The following HECW1 variants were observed in gnomAD, a reference collection of about 807,000 sequenced individuals.
HECW1 encodes E3 ubiquitin-protein ligase HECW1.
HECW1 carries 61 observed loss-of-function variants against 182.3 expected under a neutral mutation model. That is an observed-to-expected ratio of 0.33 (90% CI 0.27 to 0.41). The LOEUF is 0.41. HECW1 is among the 10% of genes least tolerant of loss of function. The pLI is 1.00. For synonymous variants in HECW1, 859 were observed against 832.6 expected, an observed-to-expected ratio of 1.03 and a Z score of -0.55; for missense variants, 1,739 against 2,108.9, an observed-to-expected ratio of 0.82 and a Z score of 3.44.
At chr7:43,552,087 T>G (rs2081853492) in intron 27 of HECW1, 135 bp from the exon 28 acceptor site, 1 of 639,960 alleles carries the variant, frequency 1.6e-6, no homozygotes, top group Non-Finnish European at 2.9e-6. Context: ...ATTTTCAAGT[T>G]AAAAATGATT....
Position 43,444,546 on chromosome 7 carries a change from G to C in HECW1, c.1374G>C (p.Leu458=), listed in dbSNP as rs2076983871. 2 of 1,610,988 alleles carry C rather than the reference G, an allele frequency of 1.2e-6. No homozygotes were observed. The highest frequency in any genetic ancestry group is 2.7e-5 in the African/African-American group (2 of 74,886). The change falls in exon 11 of 30, where the codon CTG becomes CTC. Residue 458 remains leucine, a synonymous_variant. Coordinates refer to ENST00000395891, the MANE Select transcript of HECW1 (RefSeq NM_015052.5). This position sits in a 1 kb window ranked among gnomAD's most constrained non-coding sequence, Gnocchi z 4.3. ...AGCCTGCCCCCAGTGCAGAAGAGCT[G>C]GCCGAGCAGCTGGACCTGGGTGAGG... ...DIQPAPSAEE[L]AEQLDLGEEA...
intron 9 of HECW1, chr7:43,439,378 C>T (rs1159812881): frequency 1.3e-5 from 2 of 152,202 alleles, no homozygotes; most frequent in Non-Finnish European, 2.9e-5. Context: ...ACCTGTGTCT[C>T]TCCAAAGTCC....
rs114149256 is a variant in HECW1 at position 43,329,727 on chromosome 7, G to C, written c.460+8985G>C. ...AGTTGCCCGGACACGGCGTGCTAAG[G>C]AGAAGAACCCGGCTTTGAAACAGAG... On this transcript the variant is annotated intron_variant, in intron 5 of 29. Coordinates refer to ENST00000395891, the MANE Select transcript of HECW1 (RefSeq NM_015052.5). 8.8e-3 allele frequency among the ~76,000 whole-genome samples: 1,338 copies of C among 152,266 alleles called. 14 individuals are homozygous for C. Among genetic ancestry groups the C allele is most frequent in the African/African-American group, 0.031 (1,273 of 41,552 alleles).
intron 2 of HECW1, among the ~76,000 whole-genome samples, chr7:43,123,168 C>T (rs1174957405): frequency 6.6e-6 from 1 of 152,200 alleles, no homozygotes; most frequent in Non-Finnish European, 1.5e-5. Context: ...AGACGCTGGG[C>T]TGGGGGCCAT....
intron 29 of HECW1, among the ~76,000 whole-genome samples, chr7:43,556,592 G>A (rs1204945699): frequency 2.0e-5 from 3 of 152,032 alleles, no homozygotes; most frequent in Non-Finnish European, 4.4e-5. Flanking sequence ...GGAAGCTGAG[G>A]CAGGAGGATG....
chr7:43,419,463 A>T (rs1456885782), intron 8 of HECW1, among the ~76,000 whole-genome samples: 1 of 152,164 alleles, frequency 6.6e-6, no homozygotes, highest in Non-Finnish European at 1.5e-5. Flanking sequence ...CCATCTCTTC[A>T]CTGTACTTTA....
At chr7:43,486,569 G>A (rs2078652482) in intron 17 of HECW1, among the ~76,000 whole-genome samples, 2 of 152,162 alleles carry the variant, frequency 1.3e-5, no homozygotes, top group South Asian at 4.1e-4. Context: ...CCAAAGTGCT[G>A]GGATTACAGG....
rs148978834 is a variant in HECW1, at chr7:43,297,669, T to C, written c.28-14094T>C. Among the ~76,000 whole-genome samples the C allele has an allele frequency of 2.0e-3, 305 of 152,338 alleles. 9 individuals carry two copies. In the South Asian group the frequency reaches 0.045, roughly 23 times the overall value. On this transcript the variant is annotated intron_variant, in intron 3 of 29. Transcript: ENST00000395891. ...ACACTCTAAGACTGAAAAATACAGC[T>C]GCATTGGGTTTGGCTCTAAGGATTC...
chr7:43,354,385 TA>T (rs1385845137), intron 5 of HECW1, among the ~76,000 whole-genome samples: 6 of 152,286 alleles, frequency 3.9e-5, no homozygotes, highest in African/African-American at 9.6e-5. Flanking sequence ...ATAGCAGTTT[TA>T]AACAAACTCA....
intron 4 of HECW1, among the ~76,000 whole-genome samples, chr7:43,313,509 G>A (rs1475509484): frequency 6.6e-6 from 1 of 151,932 alleles, no homozygotes; most frequent in Non-Finnish European, 1.5e-5. Context: ...GGCTAGTTTT[G>A]TATTTTTAGT....
At chr7:43,339,030 G>T (rs1020906262) in intron 5 of HECW1, among the ~76,000 whole-genome samples, 2 of 152,176 alleles carry the variant, frequency 1.3e-5, no homozygotes, top group Non-Finnish European at 2.9e-5. Context: ...AAAGTCAATG[G>T]TTAGTCTTTT....
chr7:43,470,873 T>A (rs188475499), intron 16 of HECW1, among the ~76,000 whole-genome samples: 2 of 152,246 alleles, frequency 1.3e-5, no homozygotes, highest in East Asian at 3.9e-4. Context: ...GCCTTAGACT[T>A]GCAATGTATT....
At chr7:43,177,206 A>G (rs1792348457) in intron 2 of HECW1, among the ~76,000 whole-genome samples, 1 of 152,162 alleles carries the variant, frequency 6.6e-6, no homozygotes, top group East Asian at 1.9e-4. Context: ...TCTCTCACAC[A>G]TTTGGGATTA....
chr7:43,416,921 A>G (rs1157093540), intron 8 of HECW1, among the ~76,000 whole-genome samples: 1 of 151,986 alleles, frequency 6.6e-6, no homozygotes, highest in South Asian at 2.1e-4. Context: ...GCCTGCACCC[A>G]CTGCCTGGCA....
intron 13 of HECW1, among the ~76,000 whole-genome samples, chr7:43,462,641 C>G (rs2077627745): frequency 6.6e-6 from 1 of 152,160 alleles, no homozygotes; most frequent in Admixed American, 6.5e-5. Context: ...GAACCTGTGG[C>G]CTAGAGAATA....
chr7:43,358,802 A>T (rs1485086055), intron 5 of HECW1, among the ~76,000 whole-genome samples: 1 of 147,240 alleles, frequency 6.8e-6, no homozygotes, highest in Non-Finnish European at 1.5e-5. Context: ...GGAAGGGAGG[A>T]TCCTTAAAAT....
At chr7:43,555,824 A>G (rs536998709) in intron 29 of HECW1, among the ~76,000 whole-genome samples, 1 of 152,372 alleles carries the variant, frequency 6.6e-6, no homozygotes, top group East Asian at 1.9e-4. Flanking sequence ...TGTTGTTTGC[A>G]TGGCTCTACC....
intron 3 of HECW1, among the ~76,000 whole-genome samples, chr7:43,251,509 T>C (rs890812700): frequency 2.8e-4 from 42 of 152,074 alleles, no homozygotes; most frequent in African/African-American, 9.7e-4. Context: ...AGAGATGGGG[T>C]TTCACCATGT....
chr7:43,223,889 C>A (rs750817508), intron 2 of HECW1, among the ~76,000 whole-genome samples: 7 of 152,182 alleles, frequency 4.6e-5, no homozygotes, highest in Admixed American at 1.3e-4. Flanking sequence ...CCAGGTCTCA[C>A]TTCTTCCCTC....
Sources: allele counts gnomAD v4.1 joint callset (sites outside exome capture counted in the v4.1 genomes callset), GRCh38; gene constraint gnomAD v4.1.1; non-coding constraint Gnocchi (gnomAD v3.1); transcripts MANE v1.5; gene names NCBI Gene and HGNC (gene_info 2026-07-23, HGNC 2026-07-21).